ARHGAP22: variants seen among roughly 807,000 people sequenced by gnomAD.
The protein encoded by ARHGAP22 is rho GTPase-activating protein 22.
A neutral mutation model predicts 59.1 loss-of-function variants in ARHGAP22; 48 were observed. The observed-to-expected ratio is 0.81, with a 90% CI of 0.64 to 1.03. ARHGAP22 has a LOEUF of 1.03. Ranked by LOEUF, ARHGAP22 falls within the 50% of genes least tolerant of loss-of-function variation. The pLI, the probability that ARHGAP22 is intolerant of heterozygous loss-of-function variation, is 0.00. For missense variants in ARHGAP22, 1,015 were observed against 958.7 expected, an observed-to-expected ratio of 1.06 and a Z score of -0.78; for synonymous variants, 445 against 416.4, an observed-to-expected ratio of 1.07 and a Z score of -0.84.
At position 48,450,612 on chromosome 10, in the gene ARHGAP22, C is replaced by A. The variant is rs2045829441; in HGVS notation, c.1517G>T (p.Ser506Ile). 3.9e-6 allele frequency: 6 copies of A among 1,548,486 alleles called. No homozygotes were observed. In the East Asian group the frequency reaches 1.5e-4, roughly 38 times the overall value. The part of the protein sequence containing the change: ...PAPGLVPGIP[S>I]VASMAWSGAS... Reference sequence around the variant, plus strand: ...CCCGGACCACGCCATACTGGCCACGCTGGGTATGCCGGGGACCAGGCCCGG... The same window carrying A: ...CCCGGACCACGCCATACTGGCCACGATGGGTATGCCGGGGACCAGGCCCGG... The change falls in exon 9 of 10, where the codon AGC (serine) becomes ATC (isoleucine). Residue 506 changes from serine (S) to isoleucine (I), a missense_variant. Ser to Ile is a moderately radical substitution (Grantham distance 142). Coordinates refer to ENST00000249601, the MANE Select transcript of ARHGAP22 (RefSeq NM_021226.4).
rs529332014 is a variant in ARHGAP22 at position 48,454,103 on chromosome 10, A to G, written c.851T>C (p.Leu284Pro). Residue 284 changes from leucine (L) to proline (P), a missense_variant, in exon 7 of 10, where the codon CTC (leucine) becomes CCC (proline). By Grantham distance (98) the Leu-to-Pro change is moderately conservative. Coordinates refer to ENST00000249601, the MANE Select transcript of ARHGAP22 (RefSeq NM_021226.4). ...SNLPQANYNL[L>P]RYICKFLDEV... ...AGCCGCTTACTTGCAGATGTATCTG[A>G]GCAGGTTGTAATTTGCCTGAGGAAG... The G allele has an allele frequency of 1.9e-6, 3 of 1,614,012 alleles. No individual in the cohort carries two copies. The South Asian group carries it at 3.3e-5, about 18-fold the overall frequency.
intron 1 of ARHGAP22, among the ~76,000 whole-genome samples, chr10:48,592,995 A>G (rs2059856829): frequency 6.6e-6 from 1 of 152,218 alleles, no homozygotes; most frequent in Non-Finnish European, 1.5e-5. Flanking sequence ...GGTCCTGGGG[A>G]CCGGCCACAC....
intron 1 of ARHGAP22, among the ~76,000 whole-genome samples, chr10:48,599,960 T>C (rs2060287106): frequency 6.6e-6 from 1 of 152,186 alleles, no homozygotes; most frequent in Non-Finnish European, 1.5e-5. Flanking sequence ...TCAGCCTCCA[T>C]CTGCCTCTGT....
intron 4 of ARHGAP22, among the ~76,000 whole-genome samples, chr10:48,466,367 C>T (rs1279980050): frequency 6.6e-6 from 1 of 152,036 alleles, no homozygotes; most frequent in Non-Finnish European, 1.5e-5. Flanking sequence ...TTCCCTCGGA[C>T]ACGCACGACC....
intron 3 of ARHGAP22, among the ~76,000 whole-genome samples, chr10:48,508,376 CCACTT>C (rs2052378988): frequency 6.6e-6 from 1 of 152,240 alleles, no homozygotes; most frequent in African/African-American, 2.4e-5. Context: ...ACTCAAAACT[CCACTT>C]CAGTGCGGCT....
At chr10:48,447,292 C>T (rs1212140387) in intron 9 of ARHGAP22, among the ~76,000 whole-genome samples, 1 of 152,222 alleles carries the variant, frequency 6.6e-6, no homozygotes, top group Admixed American at 6.5e-5. Context: ...CAGCTTCTGT[C>T]TTTCCGAAGG....
chr10:48,642,104 A>C (rs2136162517), intron 1 of ARHGAP22, among the ~76,000 whole-genome samples: 1 of 152,358 alleles, frequency 6.6e-6, no homozygotes, highest in South Asian at 2.1e-4. Context: ...AAACAAATGG[A>C]AGAACATTCC....
intron 3 of ARHGAP22, among the ~76,000 whole-genome samples, chr10:48,518,459 A>G (rs1470062165): frequency 6.6e-6 from 1 of 152,260 alleles, no homozygotes; most frequent in Non-Finnish European, 1.5e-5. Context: ...ATGGCAAGTG[A>G]GCAAACAACA....
At chr10:48,482,079 A>G (rs1365174898) in intron 3 of ARHGAP22, among the ~76,000 whole-genome samples, 5 of 152,180 alleles carry the variant, frequency 3.3e-5, no homozygotes, top group Admixed American at 3.3e-4. Flanking sequence ...TTCTATTAAC[A>G]GTGTATTTCC....
chr10:48,566,062 G>T (rs2058029692), intron 2 of ARHGAP22, among the ~76,000 whole-genome samples: 1 of 152,158 alleles, frequency 6.6e-6, no homozygotes, highest in African/African-American at 2.4e-5. Context: ...TCTGAATTCA[G>T]CTCTTTTCAA....
At chr10:48,625,841 A>C (rs2136062865) in intron 1 of ARHGAP22, among the ~76,000 whole-genome samples, 2 of 152,226 alleles carry the variant, frequency 1.3e-5, no homozygotes, top group East Asian at 3.9e-4. Context: ...TCTGCTCCAC[A>C]CATATCCAAA....
intron 1 of ARHGAP22, among the ~76,000 whole-genome samples, chr10:48,598,303 T>G (rs75230197): frequency 3.3e-5 from 5 of 152,290 alleles, no homozygotes; most frequent in African/African-American, 1.2e-4. Context: ...CTTCATCTCC[T>G]GGCATGAACC....
At chr10:48,590,007 T>C (rs1485685283) in intron 1 of ARHGAP22, among the ~76,000 whole-genome samples, 4 of 152,074 alleles carry the variant, frequency 2.6e-5, no homozygotes, top group Admixed American at 6.5e-5. Context: ...ACAATTATTA[T>C]GTGTCAATTA....
At chr10:48,453,226 T>C (rs2046157570) in intron 8 of ARHGAP22, 78 bp downstream of exon 8, 2 of 1,597,008 alleles carry the variant, frequency 1.3e-6, no homozygotes, top group Non-Finnish European at 1.7e-6. Flanking sequence ...GCTGGGATGG[T>C]TCCAAGGACT....
intron 1 of ARHGAP22, among the ~76,000 whole-genome samples, chr10:48,589,041 G>T (rs1202856915): frequency 6.6e-6 from 1 of 152,108 alleles, no homozygotes; most frequent in African/African-American, 2.4e-5. Flanking sequence ...GTGCCGAGGG[G>T]CCGCTGTCAC....
At chr10:48,531,998 G>A (rs1268431131) in intron 3 of ARHGAP22, among the ~76,000 whole-genome samples, 3 of 152,168 alleles carry the variant, frequency 2.0e-5, no homozygotes, top group Non-Finnish European at 4.4e-5. Flanking sequence ...CTGGTAGAGG[G>A]AGCTTGTTGA....
the ARHGAP22 span, chr10:48,431,308 ACTT>A: frequency 7.1e-7 from 1 of 1,408,240 alleles, no homozygotes; most frequent in African/African-American, 1.4e-5. Context: ...ATTACAGTTT[ACTT>A]CTTGTGTTGT....
chr10:48,543,575 A>T (rs1369078496), intron 3 of ARHGAP22, among the ~76,000 whole-genome samples: 1 of 152,152 alleles, frequency 6.6e-6, no homozygotes. Flanking sequence ...CCTGTCAGTG[A>T]GTAGTTCTCA....
intron 1 of ARHGAP22, among the ~76,000 whole-genome samples, chr10:48,618,583 A>T (rs1419312473): frequency 6.6e-6 from 1 of 152,152 alleles, no homozygotes; most frequent in African/African-American, 2.4e-5. Context: ...CAACATAATG[A>T]GGCACAAAAT....
Sources: allele counts gnomAD v4.1 joint callset (sites outside exome capture counted in the v4.1 genomes callset), GRCh38; gene constraint gnomAD v4.1.1; transcripts MANE v1.5; gene names NCBI Gene and HGNC (gene_info 2026-07-23, HGNC 2026-07-21).